The following PELI2 variants were observed in gnomAD, a reference collection of about 807,000 sequenced individuals.
The protein encoded by PELI2 is E3 ubiquitin-protein ligase pellino homolog 2.
A neutral mutation model predicts 42.3 loss-of-function variants in PELI2; 23 were observed. The observed-to-expected ratio is 0.54, with a 90% confidence interval of 0.39 to 0.77. The LOEUF (loss-of-function observed/expected upper bound fraction) is 0.77. PELI2 is among the 30% of genes least tolerant of loss of function. The pLI is 0.00. For missense variants in PELI2, 463 were observed against 553.2 expected, an observed-to-expected ratio of 0.84 and a Z score of 1.64; for synonymous variants, 245 against 212.2, an observed-to-expected ratio of 1.15 and a Z score of -1.34.
At chr14:56,205,113 G>C (rs1028076827) in intron 2 of PELI2, among the ~76,000 whole-genome samples, 2 of 152,130 alleles carry the variant, frequency 1.3e-5, no homozygotes, top group African/African-American at 2.4e-5. Flanking sequence ...CAGGAAGAGA[G>C]GACTGAGAAG....
At position 56,288,516 on chromosome 14, in the gene PELI2, A is replaced by C. The variant is rs753068018; in HGVS notation, c.389A>C (p.Gln130Pro). 1.2e-6 allele frequency: 2 copies of C among 1,614,040 alleles called. No individual in the cohort carries two copies. Among genetic ancestry groups the C allele is most frequent in the South Asian group, 2.2e-5 (2 of 91,078 alleles). ...ISGSQNTDEA[Q>P]ITQSTISRFA... ...GGCAGCCAGAACACGGACGAAGCCC[A>C]GATCACACAGAGCACCATATCCAGG... is the stretch of plus-strand genomic sequence containing the variant. The change falls in exon 4 of 6, where the codon CAG becomes CCG. Residue 130 changes from glutamine (Q) to proline (P), a missense_variant. Physicochemically the swap from Gln to Pro is moderately conservative, Grantham distance 76 (BLOSUM62 -1). Transcript: ENST00000267460. The surrounding 1 kb of genome is among the most constrained non-coding windows in gnomAD (Gnocchi z 4.6).
At chr14:56,134,008 T>C (rs1271735496) in intron 1 of PELI2, among the ~76,000 whole-genome samples, 1 of 152,262 alleles carries the variant, frequency 6.6e-6, no homozygotes, top group Non-Finnish European at 1.5e-5. Context: ...CTTAGCTTAT[T>C]TATATTTCTT....
At position 56,296,986 on chromosome 14, in the gene PELI2, G is replaced by A. The variant is rs35120033; in HGVS notation, c.1083G>A (p.Pro361=). The change falls in exon 6 of 6, where the codon CCG becomes CCA. Residue 361 remains proline, a synonymous_variant. Coordinates refer to ENST00000267460, the MANE Select transcript of PELI2 (RefSeq NM_021255.3). ...CEAGFYVDAG[P]PTHAFTPCGH... ...CAGGATTTTATGTAGACGCAGGACC[G>A]CCAACTCATGCTTTCACTCCCTGTG... The A allele has an allele frequency of 5.6e-6, 9 of 1,613,910 alleles. No individual in the cohort carries two copies. Among genetic ancestry groups the A allele is most frequent in the East Asian group, 2.2e-5 (1 of 44,892 alleles).
chr14:56,178,490 A>G (rs1476728339), intron 2 of PELI2, 26 bp downstream of exon 2: 1 of 1,613,568 alleles, frequency 6.2e-7, no homozygotes, highest in South Asian at 1.1e-5. Flanking sequence ...AAGAGTTGGG[A>G]GGGTGCTGGC....
chr14:56,210,953 T>C (rs1049657736), intron 2 of PELI2, among the ~76,000 whole-genome samples: 2 of 152,230 alleles, frequency 1.3e-5, no homozygotes, highest in Non-Finnish European at 2.9e-5. Flanking sequence ...TGCTGTTCCT[T>C]TTGGTGGTAG....
chr14:56,218,907 AGGT>A (rs1252525566), intron 2 of PELI2, among the ~76,000 whole-genome samples: 1 of 152,212 alleles, frequency 6.6e-6, no homozygotes, highest in Admixed American at 6.5e-5. Flanking sequence ...GAGTTTTCAG[AGGT>A]GGTAACTATG....
intron 2 of PELI2, among the ~76,000 whole-genome samples, chr14:56,232,415 T>A (rs1259548657): frequency 2.6e-5 from 4 of 152,148 alleles, no homozygotes; most frequent in Non-Finnish European, 5.9e-5. Context: ...TCCACCATGA[T>A]CAAGTTGGCT....
intron 5 of PELI2, among the ~76,000 whole-genome samples, chr14:56,294,332 T>TACA (rs1161264136): frequency 6.6e-6 from 1 of 152,146 alleles, no homozygotes; most frequent in East Asian, 1.9e-4. Flanking sequence ...CACCTGCCTG[T>TACA]GGGCAGTCCG....
At chr14:56,242,063 A>C (rs1887996134) in intron 2 of PELI2, among the ~76,000 whole-genome samples, 1 of 152,186 alleles carries the variant, frequency 6.6e-6, no homozygotes, top group Admixed American at 6.5e-5. Context: ...CCAGGTAGGC[A>C]GAGGCCTGTG....
At chr14:56,222,773 G>T (rs966389058) in intron 2 of PELI2, among the ~76,000 whole-genome samples, 1 of 152,224 alleles carries the variant, frequency 6.6e-6, no homozygotes, top group Non-Finnish European at 1.5e-5. Flanking sequence ...GCTAGGCTGT[G>T]TGGCGCAGGG....
intron 1 of PELI2, among the ~76,000 whole-genome samples, chr14:56,156,283 T>C (rs1304227398): frequency 6.6e-6 from 1 of 152,174 alleles, no homozygotes; most frequent in Admixed American, 6.5e-5. Context: ...CTAGAAAAAA[T>C]GCTTCAACCC....
intron 2 of PELI2, among the ~76,000 whole-genome samples, chr14:56,261,880 A>G (rs1888725810): frequency 6.6e-6 from 1 of 152,196 alleles, no homozygotes; most frequent in Non-Finnish European, 1.5e-5. Flanking sequence ...ATACATGTAG[A>G]TGGCTAATCT....
At chr14:56,253,889 C>T (rs1482486171) in intron 2 of PELI2, among the ~76,000 whole-genome samples, 1 of 152,112 alleles carries the variant, frequency 6.6e-6, no homozygotes, top group Admixed American at 6.5e-5. Context: ...ATAGCCAAGA[C>T]AATTCTAAGC....
chr14:56,292,717 A>G, intron 5 of PELI2: 7 of 938,520 alleles, frequency 7.5e-6, no homozygotes, highest in Non-Finnish European at 8.9e-6. Context: ...TCATTATTAC[A>G]GCAAATGATG....
At chr14:56,187,142 G>A (rs925450935) in intron 2 of PELI2, among the ~76,000 whole-genome samples, 1 of 152,208 alleles carries the variant, frequency 6.6e-6, no homozygotes, top group Non-Finnish European at 1.5e-5. Context: ...ATGTTGGTCT[G>A]TTGCTGCAGA....
At chr14:56,138,100 C>T (rs569369796) in intron 1 of PELI2, among the ~76,000 whole-genome samples, 5 of 152,324 alleles carry the variant, frequency 3.3e-5, no homozygotes, top group African/African-American at 4.8e-5. Context: ...CTCCCCAGCC[C>T]GCTCTCGCTG....
intron 1 of PELI2, among the ~76,000 whole-genome samples, chr14:56,131,714 T>C (rs1484436165): frequency 6.6e-6 from 1 of 152,198 alleles, no homozygotes; most frequent in Non-Finnish European, 1.5e-5. Context: ...GGCCCAAATC[T>C]TCATCACCTT....
At chr14:56,261,067 A>G (rs1888699265) in intron 2 of PELI2, among the ~76,000 whole-genome samples, 2 of 151,818 alleles carry the variant, frequency 1.3e-5, no homozygotes, top group Non-Finnish European at 2.9e-5. Flanking sequence ...TTCTGGCTGC[A>G]GGGAGATAGC....
chr14:56,186,180 G>A (rs775742696), intron 2 of PELI2, among the ~76,000 whole-genome samples: 16 of 152,138 alleles, frequency 1.1e-4, no homozygotes, highest in Admixed American at 2.0e-4. Context: ...TGCTGCTTCT[G>A]GATCTGAAGA....
Sources: allele counts gnomAD v4.1 joint callset (sites outside exome capture counted in the v4.1 genomes callset), GRCh38; gene constraint gnomAD v4.1.1; non-coding constraint Gnocchi (gnomAD v3.1); transcripts MANE v1.5; gene names NCBI Gene and HGNC (gene_info 2026-07-23, HGNC 2026-07-21).